The following PIAS2 variants were observed in gnomAD, a reference collection of about 807,000 sequenced individuals.
The protein encoded by PIAS2 is protein inhibitor of activated STAT 2.
A neutral mutation model predicts 69.7 loss-of-function variants in PIAS2; 19 were observed. That is an observed-to-expected ratio of 0.27 (90% CI 0.19 to 0.40). The LOEUF is 0.40. Among genes scored for constraint, PIAS2 ranks in the 10% least tolerant of loss-of-function variants. PIAS2 has a pLI of 1.00. For missense variants in PIAS2, 624 were observed against 757.0 expected (o/e 0.82, Z 2.06); for synonymous variants, 261 against 263.2 (o/e 0.99, Z 0.08).
intron 1 of PIAS2, among the ~76,000 whole-genome samples, chr18:46,899,175 A>C (rs1017236849): frequency 6.6e-6 from 1 of 152,210 alleles, no homozygotes; most frequent in Non-Finnish European, 1.5e-5. Context: ...AATTAAATAA[A>C]ACATATAATA....
At chr18:46,832,453 G>A (rs1422001033) in intron 9 of PIAS2, among the ~76,000 whole-genome samples, 1 of 151,798 alleles carries the variant, frequency 6.6e-6, no homozygotes, top group Non-Finnish European at 1.5e-5. Flanking sequence ...AAAAAAGTGG[G>A]CAAAAGTTTG....
chr18:46,886,694 C>T lies in PIAS2; in HGVS notation c.499+3886G>A, dbSNP rs577979245. The stretch of plus-strand genomic sequence containing the variant: ...CTCTACTAAAAATACAAAATTAGCC[C>T]GGTGTGGTGGCACATGCCTGTAGCC... On this transcript the variant is annotated intron_variant, in intron 2 of 13. Transcript: ENST00000585916. Among the ~76,000 whole-genome samples the T allele has an allele frequency of 4.0e-5, 6 of 151,868 alleles. No homozygotes were observed. The East Asian group carries it at 5.8e-4, about 15-fold the overall frequency.
intron 11 of PIAS2, among the ~76,000 whole-genome samples, chr18:46,825,574 C>G (rs2042741257): frequency 6.6e-6 from 1 of 152,212 alleles, no homozygotes; most frequent in East Asian, 1.9e-4. Flanking sequence ...TCCCGTTCCC[C>G]TGCTCTGGCC....
At chr18:46,837,031 T>C (rs918278060) in intron 8 of PIAS2, among the ~76,000 whole-genome samples, 1 of 152,216 alleles carries the variant, frequency 6.6e-6, no homozygotes, top group Non-Finnish European at 1.5e-5. Context: ...AGTACACTAA[T>C]GACTGACATT....
chr18:46,812,502 G>C lies in PIAS2; in HGVS notation c.1797C>G (p.Ser599Arg). Reference protein sequence around the residue: ...HESSTHVSSSSSRSETGVITS... With the variant: ...HESSTHVSSSRSRSETGVITS... The stretch of plus-strand genomic sequence containing the variant: ...TTATGACCCCTGTCTCACTCCTGCT[G>C]CTGGATGAACTAACATGAGTACTGC... The change falls in exon 14 of 14, where the codon AGC (serine) becomes AGG (arginine). Residue 599 changes from serine (S) to arginine (R), a missense_variant. Ser to Arg is a moderately radical substitution (Grantham distance 110, BLOSUM62 -1). Around this residue, in one of 3 missense-constraint regions of PIAS2, gnomAD observed 241 missense variants for 257.3 expected, o/e 0.94. Coordinates refer to ENST00000585916, the MANE Select transcript of PIAS2 (RefSeq NM_004671.5). 1 of 1,612,698 alleles carries C rather than the reference G, an allele frequency of 6.2e-7. No homozygotes were observed.
At chr18:46,827,212 G>A (rs368212974) in intron 11 of PIAS2, 11 of 152,182 alleles carry the variant, frequency 7.2e-5, no homozygotes, top group African/African-American at 2.4e-4. Context: ...GAATGTGTTC[G>A]TAGACAGCCA....
chr18:46,875,366 G>A (rs1166763020), intron 2 of PIAS2, among the ~76,000 whole-genome samples: 4 of 152,174 alleles, frequency 2.6e-5, no homozygotes, highest in African/African-American at 9.6e-5. Context: ...TCCAACTTAC[G>A]TGGTCCCACC....
In PIAS2 at chr18:46,808,263, A is replaced by AT. The variant is rs944140509; in HGVS notation, c.*4169dup. 16 of 152,132 alleles carry AT rather than the reference A, an allele frequency of 1.1e-4. No individual in the cohort carries two copies. The highest frequency in any genetic ancestry group is 2.7e-4 in the African/African-American group (11 of 41,424). 9.4% of individuals were successfully genotyped at this position (152,132 alleles called of 1,614,324 possible). A position where few individuals can be genotyped will look rare whatever the true frequency, so the allele number is the denominator to read the frequency against. The stretch of plus-strand genomic sequence containing the variant: ...AAGGAAGATGCAAAAATATCAAGTG[A>AT]TTTTTTCTGGTGACAGAATCATAGG... On this transcript the variant is annotated 3_prime_UTR_variant, in exon 14 of 14. Coordinates refer to ENST00000585916, the MANE Select transcript of PIAS2 (RefSeq NM_004671.5).
At chr18:46,846,570 CT>C in intron 6 of PIAS2, 136 bp downstream of exon 6, 1 of 846,342 alleles carries the variant, frequency 1.2e-6, no homozygotes, top group Admixed American at 2.9e-5. Context: ...ACTGCCACCT[CT>C]AAACTGAAAA....
At chr18:46,871,150 C>T (rs528307554) in intron 2 of PIAS2, among the ~76,000 whole-genome samples, 2 of 152,066 alleles carry the variant, frequency 1.3e-5, no homozygotes, top group Admixed American at 6.5e-5. Context: ...TAAGAAATTA[C>T]AAAAGATAGA....
chr18:46,893,142 T>C (rs1294203226), intron 1 of PIAS2, among the ~76,000 whole-genome samples: 1 of 152,174 alleles, frequency 6.6e-6, no homozygotes, highest in Non-Finnish European at 1.5e-5. Flanking sequence ...AACAAACCAG[T>C]CACAGCTTAC....
intron 2 of PIAS2, among the ~76,000 whole-genome samples, chr18:46,873,329 G>T (rs1447376952): frequency 6.6e-6 from 1 of 152,198 alleles, no homozygotes; most frequent in Non-Finnish European, 1.5e-5. Flanking sequence ...AAGGCCCTGG[G>T]CGTAAATGTT....
chr18:46,847,381 A>T (rs2046304172), intron 5 of PIAS2, among the ~76,000 whole-genome samples: 1 of 152,232 alleles, frequency 6.6e-6, no homozygotes, highest in Non-Finnish European at 1.5e-5. Context: ...TAAGTTAACA[A>T]ATAAGGATAA....
At chr18:46,845,642 A>C (rs2046057659) in intron 6 of PIAS2, among the ~76,000 whole-genome samples, 1 of 152,086 alleles carries the variant, frequency 6.6e-6, no homozygotes, top group East Asian at 1.9e-4. Context: ...AAAAAAAAAA[A>C]ACCTATCTTC....
Position 46,900,928 on chromosome 18 carries a change from C to T in PIAS2, c.25-9874G>A, listed in dbSNP as rs995117415. On this transcript the variant is annotated intron_variant, in intron 1 of 13. Transcript: ENST00000585916. ...GGCGGAGGTTGCGGTGAGCCGACGT[C>T]GTGCCATTGTACTCCAGCCTGGGTG... The T allele has an allele frequency of 2.5e-5, 7 of 283,796 alleles. 1 individual carries two copies. Among genetic ancestry groups the T allele is most frequent in the South Asian group, 8.9e-5 (3 of 33,618 alleles). The allele number at this position is 283,796 out of a possible 1,614,324, so 17.6% of individuals were successfully genotyped here.
At chr18:46,889,719 T>C (rs1011699331) in intron 2 of PIAS2, among the ~76,000 whole-genome samples, 1 of 152,162 alleles carries the variant, frequency 6.6e-6, no homozygotes, top group Non-Finnish European at 1.5e-5. Flanking sequence ...CAATTCCACT[T>C]GTGGGTATAC....
intron 1 of PIAS2, among the ~76,000 whole-genome samples, chr18:46,914,438 T>C (rs11876274): frequency 0.057 from 8,741 of 152,222 alleles, 299 homozygotes; most frequent in Non-Finnish European, 0.081. Context: ...CAACAAGGTA[T>C]AGAGCTGCCA....
At chr18:46,830,329 G>A (rs531724300) in intron 9 of PIAS2, among the ~76,000 whole-genome samples, 1 of 152,090 alleles carries the variant, frequency 6.6e-6, no homozygotes, top group South Asian at 2.1e-4. Context: ...TAAAATAAGT[G>A]TATTTGAATT....
chr18:46,851,479 G>A (rs910970059), intron 5 of PIAS2, among the ~76,000 whole-genome samples: 2 of 152,240 alleles, frequency 1.3e-5, no homozygotes, highest in African/African-American at 4.8e-5. Context: ...TAAAAACATG[G>A]AATGTTCTCA....
Sources: gnomAD v4.1 joint callset for allele counts (sites outside exome capture counted in the v4.1 genomes callset) on GRCh38, gnomAD v4.1.1 for gene constraint, gnomAD v4.1.1 regional missense constraint, MANE v1.5 for transcripts, NCBI Gene and HGNC (gene_info 2026-07-23, HGNC 2026-07-21) for gene names.